The following TJP3 variants were observed in gnomAD, a reference collection of about 807,000 sequenced individuals.
TJP3 encodes tight junction protein ZO-3.
A neutral mutation model predicts 104.2 loss-of-function variants in TJP3; 85 were observed. The observed-to-expected ratio is 0.82, with a 90% confidence interval of 0.68 to 0.98. The LOEUF (loss-of-function observed/expected upper bound fraction) is 0.98, where lower values mean the gene tolerates loss of function less well. TJP3 is among the 50% of genes least tolerant of loss of function. The pLI, the probability that TJP3 is intolerant of heterozygous loss-of-function variation, is 0.00. For synonymous variants in TJP3, 550 were observed against 550.6 expected (o/e 1.00, Z 0.02); for missense variants, 1,367 against 1,322.8 (o/e 1.03, Z -0.52).
intron 7 of TJP3, 37 bp from the exon 8 acceptor site, chr19:3,734,290 G>A (rs763630445): frequency 4.8e-5 from 77 of 1,604,434 alleles, no homozygotes; most frequent in Non-Finnish European, 6.2e-5. Flanking sequence ...TCCAGAAGGC[G>A]TGACCATGGC....
At chr19:3,729,961 A>C in intron 3 of TJP3, 67 bp from the exon 4 acceptor site, 1 of 1,318,848 alleles carries the variant, frequency 7.6e-7, no homozygotes, top group Non-Finnish European at 1.1e-6. Flanking sequence ...CCCCCTCCCC[A>C]GGGAGGGCTT....
In TJP3 at chr19:3,737,180, T is replaced by C. The variant is rs139724001; in HGVS notation, c.1284+859T>C. 6.4e-3 allele frequency among the ~76,000 whole-genome samples: 978 copies of C among 152,156 alleles called. 6 individuals carry two copies. The highest frequency in any genetic ancestry group is 0.02 in the South Asian group (94 of 4,812). On this transcript the variant is annotated intron_variant, in intron 11 of 20. Transcript: ENST00000541714. Reference sequence around the variant, plus strand: ...TAAGCTTGAGACACTGTGCTCAAGATTGGGAACAACAATCTTGTTGTTCAT... The same window carrying C: ...TAAGCTTGAGACACTGTGCTCAAGACTGGGAACAACAATCTTGTTGTTCAT...
At chr19:3,710,682 C>T (rs529248644) in intron 1 of TJP3, among the ~76,000 whole-genome samples, 2 of 152,120 alleles carry the variant, frequency 1.3e-5, no homozygotes, top group East Asian at 1.9e-4. Context: ...GGGGAGGGGT[C>T]GCCCAGGGAG....
At chr19:3,733,960 G>A (rs1280355812) in intron 7 of TJP3, 48 bp downstream of exon 7, 2 of 1,585,974 alleles carry the variant, frequency 1.3e-6, no homozygotes, top group African/African-American at 2.7e-5. Flanking sequence ...ATGGATGGCA[G>A]GGAAGGTGGG....
chr19:3,715,421 G>A (rs11085034), intron 1 of TJP3, among the ~76,000 whole-genome samples: 9,984 of 152,118 alleles, frequency 0.066, 1,110 homozygotes, highest in African/African-American at 0.23. Flanking sequence ...AAGGTGATCC[G>A]AAGGTCAGGG....
Position 3,728,449 on chromosome 19 carries a change from T to C in TJP3, c.17T>C (p.Ile6Thr). 2 of 1,613,954 alleles carry C rather than the reference T, an allele frequency of 1.2e-6. No homozygotes were observed. Among genetic ancestry groups the C allele is most frequent in the Non-Finnish European group, 1.7e-6 (2 of 1,179,960 alleles). The change falls in exon 2 of 21, where the codon ATC becomes ACC. Residue 6 changes from isoleucine to threonine, a missense_variant. Coordinates refer to ENST00000541714, the MANE Select transcript of TJP3 (RefSeq NM_001267560.2). MEELT[I>T]WEQHTATLSK... The stretch of plus-strand genomic sequence containing the variant: ...GTGGCTGACATGGAGGAGCTGACCA[T>C]CTGGGAACAGCACACGGCCACACTG...
Position 3,735,945 on chromosome 19 carries a change from C to G in TJP3, c.1127+10C>G. On this transcript the variant is annotated intron_variant, in intron 10 of 20. Transcript: ENST00000541714. ...GCATGGAGGATCGTGGGTATGTACC[C>G]CAGAAGAAAGCAAACCCGCTCAAAA... is the stretch of plus-strand genomic sequence containing the variant. The G allele has an allele frequency of 6.2e-7, 1 of 1,614,016 alleles. No homozygotes were observed. The highest frequency in any genetic ancestry group is 2.2e-5 in the East Asian group (1 of 44,874).
intron 14 of TJP3, among the ~76,000 whole-genome samples, chr19:3,742,139 AT>A (rs2145699124): frequency 1.3e-5 from 2 of 152,230 alleles, no homozygotes; most frequent in African/African-American, 4.8e-5. Flanking sequence ...AATTTTAATA[AT>A]TTATCTTCTT....
chr19:3,719,381 C>T (rs2036521363), intron 1 of TJP3, among the ~76,000 whole-genome samples: 1 of 152,010 alleles, frequency 6.6e-6, no homozygotes, highest in South Asian at 2.1e-4. Flanking sequence ...GCTCCAGGAA[C>T]CCATGCTGTG....
At chr19:3,713,505 T>G (rs1456441244) in intron 1 of TJP3, among the ~76,000 whole-genome samples, 1 of 152,160 alleles carries the variant, frequency 6.6e-6, no homozygotes, top group Non-Finnish European at 1.5e-5. Context: ...CCAGGTGGGA[T>G]CCTGGATGGG....
chr19:3,726,245 G>A (rs147325014), intron 1 of TJP3, among the ~76,000 whole-genome samples: 1 of 152,342 alleles, frequency 6.6e-6, no homozygotes, highest in African/African-American at 2.4e-5. Context: ...GAGGGTGGAG[G>A]CGTGGCCAGG....
Position 3,738,652 on chromosome 19 carries a change from G to A in TJP3, c.1382G>A (p.Arg461Lys), listed in dbSNP as rs747546506. The change falls in exon 12 of 21, where the codon AGG becomes AAG. Residue 461 changes from arginine to lysine, a missense_variant. Coordinates refer to ENST00000541714, the MANE Select transcript of TJP3 (RefSeq NM_001267560.2). ...PGEEMELVTQ[R>K]KQDIFWKMVQ... ...GAGGAGATGGAGCTGGTGACGCAGA[G>A]GAAGCAGGACAGTGAGTGCGCGTGG... The A allele has an allele frequency of 1.3e-5, 21 of 1,613,204 alleles. No homozygotes were observed. Among genetic ancestry groups the A allele is most frequent in the Admixed American group, 3.3e-5 (2 of 59,982 alleles).
chr19:3,725,627 G>C (rs1032142083), intron 1 of TJP3, among the ~76,000 whole-genome samples: 2 of 150,940 alleles, frequency 1.3e-5, no homozygotes, highest in African/African-American at 4.9e-5. Flanking sequence ...AGGAGGTGGA[G>C]GTTGCAGTGA....
chr19:3,738,780 C>G lies in TJP3; in HGVS notation c.1393+117C>G, dbSNP rs552466406. 2.1e-4 allele frequency: 284 copies of G among 1,324,776 alleles called. 1 individual carries two copies. The African/African-American group carries it at 3.5e-3, about 16-fold the overall frequency. 82.1% of individuals were successfully genotyped at this position (1,324,776 alleles called of 1,614,324 possible). The stretch of plus-strand genomic sequence containing the variant: ...CTGCATCTCTGCACCCTCCATCCCT[C>G]TCCCTGGCCCCTACAGGGAGAGTGC... On this transcript the variant is annotated intron_variant, in intron 12 of 20. Coordinates refer to ENST00000541714, the MANE Select transcript of TJP3 (RefSeq NM_001267560.2).
At chr19:3,710,863 C>G (rs1308273932) in intron 1 of TJP3, among the ~76,000 whole-genome samples, 1 of 152,100 alleles carries the variant, frequency 6.6e-6, no homozygotes, top group South Asian at 2.1e-4. Context: ...AATGGCTGCA[C>G]AGAGGGTAAC....
Position 3,731,971 on chromosome 19 carries a change from A to G in TJP3, c.650A>G (p.Lys217Arg), listed in dbSNP as rs1476053561. ...GVKLGSQIFI[K>R]HITDSGLAAR... ...AAGCTGGGCAGTCAGATCTTCATCAAGCACATTACAGATTCGGGCCTGGCT... is the reference window on the plus strand; with the variant it reads ...AAGCTGGGCAGTCAGATCTTCATCAGGCACATTACAGATTCGGGCCTGGCT... Residue 217 changes from lysine (K) to arginine (R), a missense_variant, in exon 6 of 21, where the codon AAG (lysine) becomes AGG (arginine). Lys to Arg is a conservative substitution (Grantham distance 26). Transcript: ENST00000541714. 1.9e-6 allele frequency: 3 copies of G among 1,613,626 alleles called. No homozygotes were observed. The highest frequency in any genetic ancestry group is 1.7e-5 in the Admixed American group (1 of 59,952).
chr19:3,718,241 G>A, intron 1 of TJP3, among the ~76,000 whole-genome samples: 1 of 123,008 alleles, frequency 8.1e-6, no homozygotes, highest in African/African-American at 3.5e-5. Context: ...GTGTGTGTGT[G>A]TGTGTGTGTG....
At chr19:3,716,831 A>C (rs2036482716) in intron 1 of TJP3, among the ~76,000 whole-genome samples, 1 of 125,564 alleles carries the variant, frequency 8.0e-6, no homozygotes, top group Admixed American at 9.1e-5. Context: ...ACAGAGTCTC[A>C]GTCTGTCGCC....
At chr19:3,732,952 A>C (rs777539019) in intron 6 of TJP3, among the ~76,000 whole-genome samples, 2 of 151,252 alleles carry the variant, frequency 1.3e-5, no homozygotes, top group Non-Finnish European at 2.9e-5. Flanking sequence ...GCCGACATTA[A>C]GTTCTTTCTA....
Sources: gnomAD v4.1 joint callset for allele counts (sites outside exome capture counted in the v4.1 genomes callset) on GRCh38, gnomAD v4.1.1 for gene constraint, MANE v1.5 for transcripts, NCBI Gene and HGNC (gene_info 2026-07-23, HGNC 2026-07-21) for gene names.